Variants in GAS2 observed in about 807,000 individuals in gnomAD.
The protein encoded by GAS2 is growth arrest specific 2.
In GAS2, 20 loss-of-function variants were observed where a neutral mutation model predicts 37.5. That is an observed-to-expected ratio of 0.53 (90% CI 0.37 to 0.77). The LOEUF is 0.77. Among genes scored for constraint, GAS2 ranks in the 30% least tolerant of loss-of-function variants. GAS2 has a pLI of 0.00. For synonymous variants in GAS2, 144 were observed against 132.2 expected, an observed-to-expected ratio of 1.09 and a Z score of -0.61; for missense variants, 336 against 373.4, an observed-to-expected ratio of 0.90 and a Z score of 0.82.
At chr11:22,740,714 A>G (rs1853028907) in intron 5 of GAS2, among the ~76,000 whole-genome samples, 1 of 152,202 alleles carries the variant, frequency 6.6e-6, no homozygotes, top group Non-Finnish European at 1.5e-5. Flanking sequence ...TGAAAGAAAA[A>G]AGGGAAATTT....
chr11:22,756,281 C>A (rs1854036431), intron 7 of GAS2, among the ~76,000 whole-genome samples: 1 of 150,816 alleles, frequency 6.6e-6, no homozygotes. Flanking sequence ...TTACTAAGAC[C>A]AATAATTCTT....
At chr11:22,755,177 G>A (rs1283242157) in intron 6 of GAS2, among the ~76,000 whole-genome samples, 1 of 151,936 alleles carries the variant, frequency 6.6e-6, no homozygotes. Context: ...AGATATAACA[G>A]GGATAAAAAT....
chr11:22,705,126 G>C (rs1851047390), intron 3 of GAS2, among the ~76,000 whole-genome samples: 1 of 151,954 alleles, frequency 6.6e-6, no homozygotes, highest in Non-Finnish European at 1.5e-5. Flanking sequence ...AAATCTATAT[G>C]ACAGCCTACA....
chr11:22,630,933 C>A (rs1858737444), intron 1 of GAS2, among the ~76,000 whole-genome samples: 1 of 152,082 alleles, frequency 6.6e-6, no homozygotes, highest in African/African-American at 2.4e-5. Flanking sequence ...TTGCTTTGGG[C>A]AGTATGGTCA....
chr11:22,679,820 T>G (rs1305528023), intron 2 of GAS2, among the ~76,000 whole-genome samples: 1 of 119,716 alleles, frequency 8.4e-6, no homozygotes, highest in Non-Finnish European at 2.0e-5. Context: ...GCAGGGACTT[T>G]GAATAAATCA....
chr11:22,725,128 T>C (rs148188269), intron 3 of GAS2, among the ~76,000 whole-genome samples: 1 of 152,082 alleles, frequency 6.6e-6, no homozygotes, highest in African/African-American at 2.4e-5. Context: ...AGAATTACAT[T>C]CTTTAGCTTC....
chr11:22,794,760 G>A (rs376218052), intron 7 of GAS2, among the ~76,000 whole-genome samples: 1 of 152,264 alleles, frequency 6.6e-6, no homozygotes, highest in African/African-American at 2.4e-5. Context: ...CCTTAGAGAA[G>A]GGTAAAACCC....
chr11:22,769,568 G>A (rs1419573484), intron 7 of GAS2, among the ~76,000 whole-genome samples: 13 of 152,174 alleles, frequency 8.5e-5, no homozygotes, highest in Non-Finnish European at 1.8e-4. Context: ...AGAGAAAGTA[G>A]CCTTAAATAA....
In GAS2 at chr11:22,667,016, G is replaced by T. The variant is rs188600297; in HGVS notation, c.-21+117G>T. The T allele has an allele frequency of 1.3e-3, 191 of 152,416 alleles. 1 individual carries two copies. The highest frequency in any genetic ancestry group is 2.2e-3 in the Non-Finnish European group (148 of 68,070). The allele number at this position is 152,416 out of a possible 1,614,324, so 9.4% of individuals were successfully genotyped here. Reference sequence around the variant, plus strand: ...CTGCACCCGGGGCGGCGGGGGAGGGGAGAGGTCATTAAAAAATAACCTCAG... The same window carrying T: ...CTGCACCCGGGGCGGCGGGGGAGGGTAGAGGTCATTAAAAAATAACCTCAG... On this transcript the variant is annotated intron_variant, in intron 1 of 7. Coordinates refer to ENST00000454584, the MANE Select transcript of GAS2 (RefSeq NM_001143830.3).
intron 2 of GAS2, among the ~76,000 whole-genome samples, chr11:22,684,098 G>A (rs1450966382): frequency 1.3e-5 from 2 of 152,200 alleles, no homozygotes; most frequent in Non-Finnish European, 2.9e-5. Flanking sequence ...CAAAAGCATA[G>A]CAGCAGAAAT....
chr11:22,672,360 C>T (rs1053814028), intron 1 of GAS2, among the ~76,000 whole-genome samples: 9 of 151,982 alleles, frequency 5.9e-5, no homozygotes, highest in Non-Finnish European at 1.3e-4. Flanking sequence ...ATAAATGTGC[C>T]ACTGTCAAAG....
intron 5 of GAS2, among the ~76,000 whole-genome samples, chr11:22,740,065 C>G (rs1239743753): frequency 6.6e-6 from 1 of 152,058 alleles, no homozygotes; most frequent in Non-Finnish European, 1.5e-5. Context: ...ACAAGCTGCC[C>G]AATTAGAAAA....
intron 1 of GAS2, among the ~76,000 whole-genome samples, chr11:22,651,558 A>G (rs183133808): frequency 1.9e-4 from 29 of 152,120 alleles, no homozygotes; most frequent in African/African-American, 5.6e-4. Flanking sequence ...AGGTACACCA[A>G]TCAGACATAG....
At chr11:22,739,286 G>C (rs1390004759) in intron 5 of GAS2, among the ~76,000 whole-genome samples, 3 of 152,048 alleles carry the variant, frequency 2.0e-5, no homozygotes, top group African/African-American at 7.2e-5. Context: ...TTAAGAAAGG[G>C]GAAGTTGGCC....
chr11:22,767,101 T>TTTA (rs1854735440), intron 7 of GAS2, among the ~76,000 whole-genome samples: 1 of 152,152 alleles, frequency 6.6e-6, no homozygotes, highest in Non-Finnish European at 1.5e-5. Context: ...ATATCTTTCT[T>TTTA]TTATATTGTT....
chr11:22,645,869 G>A (rs1474913709), intron 1 of GAS2, among the ~76,000 whole-genome samples: 1 of 129,142 alleles, frequency 7.7e-6, no homozygotes, highest in Admixed American at 8.4e-5. Context: ...TTGAGACGGA[G>A]TTTTGCTCTT....
intron 1 of GAS2, among the ~76,000 whole-genome samples, chr11:22,673,930 C>T (rs764152647): frequency 1.6e-4 from 24 of 152,042 alleles, no homozygotes; most frequent in Non-Finnish European, 2.5e-4. Context: ...TCAAACAAAA[C>T]GCAGCATGTA....
intron 7 of GAS2, among the ~76,000 whole-genome samples, chr11:22,788,109 T>A (rs1176153383): frequency 6.6e-6 from 1 of 152,212 alleles, no homozygotes; most frequent in Non-Finnish European, 1.5e-5. Flanking sequence ...AATGTAGCAC[T>A]ACGTCTGCTC....
At chr11:22,694,569 G>C (rs1285773016) in intron 3 of GAS2, among the ~76,000 whole-genome samples, 2 of 152,166 alleles carry the variant, frequency 1.3e-5, no homozygotes, top group Non-Finnish European at 2.9e-5. Flanking sequence ...AGGTCGAATA[G>C]AATGTGGAAT....
Sources: gnomAD v4.1 joint callset for allele counts (sites outside exome capture counted in the v4.1 genomes callset) on GRCh38, gnomAD v4.1.1 for gene constraint, MANE v1.5 for transcripts, NCBI Gene and HGNC (gene_info 2026-07-23, HGNC 2026-07-21) for gene names.